ISCU: variants seen among roughly 807,000 people sequenced by gnomAD.
ISCU encodes iron-sulfur cluster assembly enzyme, also known as iron-sulfur cluster assembly enzyme ISCU.
A neutral mutation model predicts 18.4 loss-of-function variants in ISCU; 13 were observed. The observed-to-expected ratio is 0.71, with a 90% CI of 0.46 to 1.12. ISCU has a LOEUF of 1.12. Ranked by LOEUF, ISCU falls within the 50% of genes most tolerant of loss-of-function variation. ISCU has a pLI of 0.00. For synonymous variants in ISCU, 104 were observed against 87.5 expected (o/e 1.19, Z -1.06); for missense variants, 229 against 208.7 (o/e 1.10, Z -0.60).
At position 108,566,259 on chromosome 12, in the gene ISCU, G is replaced by A. The variant is rs552950601; in HGVS notation, c.339+828G>A. 5.5e-4 allele frequency among the ~76,000 whole-genome samples: 84 copies of A among 152,358 alleles called. 1 individual carries two copies. Among genetic ancestry groups the A allele is most frequent in the African/African-American group, 2.0e-3 (82 of 41,592 alleles). On this transcript the variant is annotated intron_variant, in intron 3 of 4. Coordinates refer to ENST00000311893, the MANE Select transcript of ISCU (RefSeq NM_213595.4). Reference sequence around the variant, plus strand: ...GCCTTCTGGCTGGCAAGCCCCTGTGGGCCAGGAAGCTCAGACCTAACCTGC... The same window carrying A: ...GCCTTCTGGCTGGCAAGCCCCTGTGAGCCAGGAAGCTCAGACCTAACCTGC...
chr12:108,567,106 C>T lies in ISCU; in HGVS notation c.340-84C>T. Reference sequence around the variant, plus strand: ...AATCATCCCCACCAACCCTGAGAGCCTCTTTGGCCTCCCTTTTTTATTGGC... The same window carrying T: ...AATCATCCCCACCAACCCTGAGAGCTTCTTTGGCCTCCCTTTTTTATTGGC... On this transcript the variant is annotated intron_variant, in intron 3 of 4. Coordinates refer to ENST00000311893, the MANE Select transcript of ISCU (RefSeq NM_213595.4). 6.0e-6 allele frequency: 6 copies of T among 1,005,324 alleles called. No individual in the cohort carries two copies. In the South Asian group the frequency reaches 6.4e-5, roughly 11 times the overall value. 62.3% of individuals were successfully genotyped at this position (1,005,324 alleles called of 1,614,324 possible). A position where few individuals can be genotyped will look rare whatever the true frequency, so the allele number is the denominator to read the frequency against.
chr12:108,562,627 C>A lies in ISCU; in HGVS notation c.5C>A (p.Ala2Glu), dbSNP rs770958308. 1 of 1,466,564 alleles carries A rather than the reference C, an allele frequency of 6.8e-7. No individual in the cohort carries two copies. The highest frequency in any genetic ancestry group is 9.0e-7 in the Non-Finnish European group (1 of 1,114,368). 90.8% of individuals were successfully genotyped at this position (1,466,564 alleles called of 1,614,324 possible). ...GCGCAGGCGCAAGCCGGCAAGATGG[C>A]GGCGGCTGGGGCTTTCCGTCTGAGG... is the stretch of plus-strand genomic sequence containing the variant. M[A>E]AAGAFRLRRA... is the part of the protein sequence containing the mutation. The change falls in exon 1 of 5, where the codon GCG becomes GAG. Residue 2 changes from alanine (A) to glutamate (E), a missense_variant. Coordinates refer to ENST00000311893, the MANE Select transcript of ISCU (RefSeq NM_213595.4).
At chr12:108,564,557 G>A (rs939153265) in intron 2 of ISCU, among the ~76,000 whole-genome samples, 165 bp downstream of exon 2, 11 of 152,234 alleles carry the variant, frequency 7.2e-5, no homozygotes, top group African/African-American at 2.4e-4. Context: ...TATGACTGGA[G>A]CAGGGCCTCA....
chr12:108,567,861 TC>T, intron 4 of ISCU: 1 of 1,453,500 alleles, frequency 6.9e-7, no homozygotes, highest in Non-Finnish European at 9.3e-7. Context: ...TACTTGGCTT[TC>T]CAGTTTGGTC....
chr12:108,568,818 C>T lies in ISCU; in HGVS notation c.419-13C>T, dbSNP rs772433172. ...TCTAGAAACTTAGGCTTCTTTCCTT[C>T]CGTTACTTCCAGTGCTGGCTGAAGA... On this transcript the variant is annotated splice_polypyrimidine_tract_variant and intron_variant, in intron 4 of 4. Coordinates refer to ENST00000311893, the MANE Select transcript of ISCU (RefSeq NM_213595.4). 4 of 1,610,338 alleles carry T rather than the reference C, an allele frequency of 2.5e-6. No homozygotes were observed. Among genetic ancestry groups the T allele is most frequent in the Non-Finnish European group, 3.4e-6 (4 of 1,178,412 alleles).
At chr12:108,565,002 C>T (rs1288228411) in intron 2 of ISCU, 5 of 402,416 alleles carry the variant, frequency 1.2e-5, no homozygotes, top group Admixed American at 8.2e-5. Flanking sequence ...GGCCAGATTG[C>T]CCCAGCAGCT....
chr12:108,564,190 T>A (rs186978523), intron 1 of ISCU, 89 bp from the exon 2 acceptor site: 7 of 1,574,296 alleles, frequency 4.4e-6, no homozygotes, highest in Non-Finnish European at 6.1e-6. Context: ...CCTGCCAGGT[T>A]CAAGATGCTG....
intron 4 of ISCU, chr12:108,567,741 A>G (rs1320669187): frequency 6.5e-7 from 1 of 1,535,854 alleles, no homozygotes; most frequent in Admixed American, 2.0e-5. Flanking sequence ...TCCTGTCTGG[A>G]TGGTATTCCT....
rs999123368 is a variant in ISCU at position 108,565,254 on chromosome 12, C to T, written c.229-67C>T. The T allele has an allele frequency of 3.4e-6, 4 of 1,192,460 alleles. No homozygotes were observed. The African/African-American group carries it at 4.5e-5, about 13-fold the overall frequency. The allele number at this position is 1,192,460 out of a possible 1,614,324, so 73.9% of individuals were successfully genotyped here. The stretch of plus-strand genomic sequence containing the variant: ...GCCCTTGGGGAAGGCCCTGGTGAAC[C>T]TTCGTGAGTGCCAGGTTCCAGAGGG... On this transcript the variant is annotated intron_variant, in intron 2 of 4. Transcript: ENST00000311893.
chr12:108,563,612 T>C (rs1051412449), intron 1 of ISCU: 2 of 224,278 alleles, frequency 8.9e-6, no homozygotes, highest in African/African-American at 4.6e-5. Context: ...TGGATGTTTA[T>C]TGTGATCTGG....
intron 1 of ISCU, 190 bp downstream of exon 1, chr12:108,562,926 C>T: frequency 2.5e-6 from 1 of 397,474 alleles, no homozygotes; most frequent in East Asian, 3.7e-5. Context: ...CATCGGGCGG[C>T]GACTTCCAGG....
At chr12:108,565,502 T>TAA in intron 3 of ISCU, 71 bp downstream of exon 3, 1 of 1,014,948 alleles carries the variant, frequency 9.9e-7, no homozygotes, top group East Asian at 2.4e-5. Flanking sequence ...TCTAAATTTT[T>TAA]AAAATTTCTC....
chr12:108,567,303 C>T, intron 4 of ISCU, 35 bp downstream of exon 4: 1 of 1,535,474 alleles, frequency 6.5e-7, no homozygotes, highest in Non-Finnish European at 9.0e-7. Flanking sequence ...TCAGCTGGGA[C>T]ATTTGGCAGT....
intron 4 of ISCU, 161 bp from the exon 5 acceptor site, chr12:108,568,670 A>G (rs932930092): frequency 1.4e-5 from 21 of 1,475,476 alleles, no homozygotes; most frequent in Middle Eastern, 3.5e-4. Context: ...CTCAGGAAGC[A>G]GCTGCTGACG....
upstream of ISCU, chr12:108,562,487 G>A (rs1170115471): frequency 6.2e-6 from 3 of 486,726 alleles, no homozygotes; most frequent in East Asian, 1.1e-4. Flanking sequence ...GAAGGCGGAC[G>A]CGTGCACGGA....
intron 4 of ISCU, chr12:108,567,612 T>C: frequency 6.7e-7 from 1 of 1,491,452 alleles, no homozygotes; most frequent in Non-Finnish European, 9.0e-7. Context: ...ATCACATGGC[T>C]AATAAGTGGA....
chr12:108,566,810 G>T (rs965260), intron 3 of ISCU, among the ~76,000 whole-genome samples: 1 of 152,224 alleles, frequency 6.6e-6, no homozygotes. Context: ...GCTAACATTT[G>T]GTATGAGGAC....
At chr12:108,567,718 G>A (rs955392099) in intron 4 of ISCU, 8 of 1,535,882 alleles carry the variant, frequency 5.2e-6, no homozygotes, top group South Asian at 1.2e-5. Context: ...TGTTTCCTGT[G>A]TATTTCTTCA....
rs1426637304 is a variant in ISCU, at chr12:108,562,655, G to T, written c.33G>T (p.Arg11=). 4 of 1,461,642 alleles carry T rather than the reference G, an allele frequency of 2.7e-6. No individual in the cohort carries two copies. In the Admixed American group the frequency reaches 7.2e-5, roughly 26 times the overall value. The allele number at this position is 1,461,642 out of a possible 1,614,324, so 90.5% of individuals were successfully genotyped here. ...CGGCTGGGGCTTTCCGTCTGAGGCG[G>T]GCGGCATCGGCTCTGCTGCTGCGGA... MAAAGAFRLR[R]AASALLLRSP... The change falls in exon 1 of 5, where the codon CGG becomes CGT. Residue 11 remains arginine (R), a synonymous_variant. Coordinates refer to ENST00000311893, the MANE Select transcript of ISCU (RefSeq NM_213595.4).
Sources: gnomAD v4.1 joint callset for allele counts (sites outside exome capture counted in the v4.1 genomes callset) on GRCh38, gnomAD v4.1.1 for gene constraint, MANE v1.5 for transcripts, NCBI Gene and HGNC (gene_info 2026-07-23, HGNC 2026-07-21) for gene names.